MYH9: variants seen among roughly 807,000 people sequenced by gnomAD.
MYH9 encodes the protein myosin heavy chain 9, also known as myosin-9.
Under a neutral mutation model 241.9 loss-of-function variants are expected in MYH9, and 29 were observed. The ratio of observed to expected loss-of-function variants is 0.12; its 90% CI spans 0.09 to 0.16. MYH9 has a LOEUF of 0.16. Ranked by LOEUF, MYH9 falls within the 10% of genes least tolerant of loss-of-function variation. MYH9 has a pLI of 1.00. For missense variants in MYH9, 1,803 were observed against 2,595.5 expected (o/e 0.69, Z 6.63); for synonymous variants, 1,047 against 1,062.6 (o/e 0.99, Z 0.29).
chr22:36,361,810 G>A (rs1285986062), intron 1 of MYH9, among the ~76,000 whole-genome samples: 1 of 152,212 alleles, frequency 6.6e-6, no homozygotes, highest in Non-Finnish European at 1.5e-5. Flanking sequence ...GGTGGCTCAC[G>A]CCTGTAATCC....
intron 3 of MYH9, among the ~76,000 whole-genome samples, chr22:36,327,994 T>C (rs2017362876): frequency 6.6e-6 from 1 of 152,250 alleles, no homozygotes; most frequent in Non-Finnish European, 1.5e-5. Flanking sequence ...GATAAGATGC[T>C]GCCTCACAGC....
intron 4 of MYH9, among the ~76,000 whole-genome samples, 182 bp from the exon 5 acceptor site, chr22:36,326,843 G>A (rs1052783300): frequency 1.4e-4 from 22 of 152,210 alleles, no homozygotes; most frequent in African/African-American, 5.3e-4. Flanking sequence ...CACTTCCCAT[G>A]GCTCTCCAGG....
intron 1 of MYH9, among the ~76,000 whole-genome samples, chr22:36,369,419 C>T (rs957109818): frequency 1.3e-5 from 2 of 152,214 alleles, no homozygotes; most frequent in African/African-American, 2.4e-5. Flanking sequence ...AAACAGTGGG[C>T]GGCAGGCCGG....
At chr22:36,342,205 G>A (rs2017601449) in intron 2 of MYH9, among the ~76,000 whole-genome samples, 1 of 152,126 alleles carries the variant, frequency 6.6e-6, no homozygotes, top group African/African-American at 2.4e-5. Context: ...CTTAATGTGA[G>A]GTACCTAAAA....
chr22:36,362,781 C>T (rs1170680438), intron 1 of MYH9, among the ~76,000 whole-genome samples: 1 of 152,180 alleles, frequency 6.6e-6, no homozygotes, highest in East Asian at 1.9e-4. Flanking sequence ...CGGCCTGAAA[C>T]CATTTCTTAA....
At chr22:36,371,535 T>A (rs1015400477) in intron 1 of MYH9, among the ~76,000 whole-genome samples, 23 of 152,114 alleles carry the variant, frequency 1.5e-4, no homozygotes, top group African/African-American at 5.3e-4. Context: ...AATTTTTTTT[T>A]ATTCGTATTT....
intron 5 of MYH9, among the ~76,000 whole-genome samples, chr22:36,325,430 G>A (rs753767341): frequency 6.6e-5 from 10 of 152,228 alleles, no homozygotes; most frequent in African/African-American, 9.7e-5. Flanking sequence ...ACCGGGAGCG[G>A]CCAAGCTCCC....
chr22:36,326,561 C>A lies in MYH9; in HGVS notation c.612+7G>T, dbSNP rs779850585. ...GCGGCCACAGGGACAAGGGCTGCAGCACTCACCTGGTCCTTCTTGCTCTTG... is the reference window on the plus strand; with the variant it reads ...GCGGCCACAGGGACAAGGGCTGCAGAACTCACCTGGTCCTTCTTGCTCTTG... On this transcript the variant is annotated splice_region_variant and intron_variant, in intron 5 of 40. Transcript: ENST00000216181. 4 of 1,613,648 alleles carry A rather than the reference C, an allele frequency of 2.5e-6. No homozygotes were observed. Among genetic ancestry groups the A allele is most frequent in the Non-Finnish European group, 3.4e-6 (4 of 1,179,506 alleles).
At chr22:36,357,601 C>T (rs1236301901) in intron 1 of MYH9, among the ~76,000 whole-genome samples, 1 of 152,156 alleles carries the variant, frequency 6.6e-6, no homozygotes, top group Non-Finnish European at 1.5e-5. Context: ...CCCGGTTGAG[C>T]CCACTGATTG....
intron 12 of MYH9, among the ~76,000 whole-genome samples, chr22:36,315,281 G>GA (rs1425283969): frequency 1.3e-5 from 2 of 152,048 alleles, no homozygotes; most frequent in Non-Finnish European, 2.9e-5. Flanking sequence ...TTCGCAACTG[G>GA]AAAAAATACA....
intron 3 of MYH9, among the ~76,000 whole-genome samples, chr22:36,340,517 C>T (rs2017568626): frequency 2.0e-5 from 3 of 151,820 alleles, no homozygotes; most frequent in South Asian, 2.1e-4. Context: ...AAAAATTAGC[C>T]GTGCATGGTG....
chr22:36,377,276 A>G (rs2018183787), intron 1 of MYH9, among the ~76,000 whole-genome samples: 1 of 152,220 alleles, frequency 6.6e-6, no homozygotes, highest in Non-Finnish European at 1.5e-5. Context: ...GACTGTCCCA[A>G]ATGCCTCGTT....
Position 36,306,074 on chromosome 22 carries a change from G to A in MYH9, c.2038-23C>T, listed in dbSNP as rs1264096433. ...GGCCTGGAGAAGAAAACACATGCAT[G>A]CGGTCTCACTTCCGTGCCTAGAACA... On this transcript the variant is annotated intron_variant, in intron 16 of 40. Transcript: ENST00000216181. The surrounding 1 kb of genome is among the most constrained non-coding windows in gnomAD (Gnocchi z 4.1). 3 of 1,612,194 alleles carry A rather than the reference G, an allele frequency of 1.9e-6. No homozygotes were observed. The highest frequency in any genetic ancestry group is 1.3e-5 in the African/African-American group (1 of 74,952).
chr22:36,306,155 G>C lies in MYH9; in HGVS notation c.2038-104C>G. On this transcript the variant is annotated intron_variant, in intron 16 of 40. Coordinates refer to ENST00000216181, the MANE Select transcript of MYH9 (RefSeq NM_002473.6). The surrounding 1 kb of genome is among the most constrained non-coding windows in gnomAD (Gnocchi z 4.1). Reference sequence around the variant, plus strand: ...CCTGACAGGGCAAGAGCCTAAGGGAGGGGGTCGCTACAGCCCACAGGTTTG... The same window carrying C: ...CCTGACAGGGCAAGAGCCTAAGGGACGGGGTCGCTACAGCCCACAGGTTTG... 6 of 1,569,336 alleles carry C rather than the reference G, an allele frequency of 3.8e-6. No individual in the cohort carries two copies. The South Asian group carries it at 5.6e-5, about 15-fold the overall frequency.
intron 1 of MYH9, among the ~76,000 whole-genome samples, chr22:36,382,600 C>T (rs949127601): frequency 1.3e-5 from 2 of 152,010 alleles, no homozygotes; most frequent in Admixed American, 6.6e-5. Context: ...GTCGGAAGTT[C>T]GAGACCAGCC....
intron 2 of MYH9, among the ~76,000 whole-genome samples, chr22:36,347,997 T>C (rs1216591300): frequency 6.7e-6 from 1 of 149,824 alleles, no homozygotes; most frequent in East Asian, 1.9e-4. Flanking sequence ...TCAAAAGAGA[T>C]AAAGATATTT....
At chr22:36,352,904 A>G (rs1257001253) in intron 1 of MYH9, among the ~76,000 whole-genome samples, 1 of 152,164 alleles carries the variant, frequency 6.6e-6, no homozygotes, top group African/African-American at 2.4e-5. Flanking sequence ...CTCTGCTAGA[A>G]TGACGTGGGT....
At chr22:36,326,969 A>G (rs374395991) in intron 4 of MYH9, among the ~76,000 whole-genome samples, 2 of 152,226 alleles carry the variant, frequency 1.3e-5, no homozygotes, top group African/African-American at 4.8e-5. Flanking sequence ...CTTAGGGGTC[A>G]AAGGCACTTG....
rs1335054853 is a variant in MYH9 at position 36,289,265 on chromosome 22, C to G, written c.4377G>C (p.Lys1459Asn). The change falls in exon 32 of 41, where the codon AAG (lysine) becomes AAC (asparagine). Residue 1459 changes from lysine (K) to asparagine (N), a missense_variant. By Grantham distance (94) the Lys-to-Asn change is moderately conservative. Around this residue, in one of 11 missense-constraint regions of MYH9, gnomAD observed 876 missense variants for 1,077.8 expected, o/e 0.81. Coordinates refer to ENST00000216181, the MANE Select transcript of MYH9 (RefSeq NM_002473.6). ...LLAEEKTISAKYAEERDRAEA... is the reference protein window; with the variant it reads ...LLAEEKTISANYAEERDRAEA... ...CAGCCCGGTCGCGCTCCTCTGCATA[C>G]TTGGCAGAGATGGTCTTCTCCTCCG... is the stretch of plus-strand genomic sequence containing the variant. 6.2e-7 allele frequency: 1 copy of G among 1,612,632 alleles called. No homozygotes were observed. Among genetic ancestry groups the G allele is most frequent in the South Asian group, 1.1e-5 (1 of 91,010 alleles).
Sources: allele counts gnomAD v4.1 joint callset (sites outside exome capture counted in the v4.1 genomes callset), GRCh38; gene constraint gnomAD v4.1.1; regional missense constraint gnomAD v4.1.1; non-coding constraint Gnocchi (gnomAD v3.1); transcripts MANE v1.5; gene names NCBI Gene and HGNC (gene_info 2026-07-23, HGNC 2026-07-21).